Variants in NAALADL2 observed in about 807,000 individuals in gnomAD.
NAALADL2 encodes the protein N-acetylated alpha-linked acidic dipeptidase like 2.
Under a neutral mutation model 87.2 loss-of-function variants are expected in NAALADL2, and 76 were observed. The observed-to-expected ratio is 0.87, with a 90% CI of 0.72 to 1.05. The LOEUF is 1.05. NAALADL2 is among the 50% of genes least tolerant of loss of function. The pLI is 0.00. For synonymous variants in NAALADL2, 354 were observed against 331.0 expected (o/e 1.07, Z -0.75); for missense variants, 1,089 against 945.8 (o/e 1.15, Z -1.99).
chr3:175,048,507 C>A (rs1754958740), intron 1 of NAALADL2, among the ~76,000 whole-genome samples: 2 of 141,676 alleles, frequency 1.4e-5, no homozygotes, highest in South Asian at 2.2e-4. Context: ...CTTCTAAAAC[C>A]ATTTTTTTTT....
At chr3:174,496,380 C>T (rs1364443897) in intron 1 of NAALADL2, among the ~76,000 whole-genome samples, 6 of 151,904 alleles carry the variant, frequency 3.9e-5, no homozygotes, top group African/African-American at 1.4e-4. Context: ...GTGGTCATAA[C>T]TCTAGGGGTT....
intron 1 of NAALADL2, among the ~76,000 whole-genome samples, chr3:174,920,775 A>C (rs1014507720): frequency 4.6e-5 from 7 of 152,192 alleles, no homozygotes; most frequent in African/African-American, 1.7e-4. Context: ...ACTAAGTTTA[A>C]TCATCTGTAG....
intron 11 of NAALADL2, among the ~76,000 whole-genome samples, chr3:175,647,007 A>G (rs950522678): frequency 1.2e-4 from 19 of 152,266 alleles, no homozygotes; most frequent in African/African-American, 2.4e-4. Flanking sequence ...ACTCAGAACT[A>G]TATATCTATA....
intron 1 of NAALADL2, among the ~76,000 whole-genome samples, chr3:174,447,471 C>G: frequency 6.6e-6 from 1 of 152,212 alleles, no homozygotes; most frequent in Non-Finnish European, 1.5e-5. Context: ...GTTAAATATT[C>G]AGAACCACTA....
At chr3:175,635,178 A>G (rs1393366970) in intron 11 of NAALADL2, among the ~76,000 whole-genome samples, 2 of 152,060 alleles carry the variant, frequency 1.3e-5, no homozygotes, top group African/African-American at 4.8e-5. Context: ...ATTATACTGA[A>G]CAAATATAAT....
At chr3:174,738,497 A>C (rs1250553170) in intron 3 of NAALADL2, among the ~76,000 whole-genome samples, 1 of 152,206 alleles carries the variant, frequency 6.6e-6, no homozygotes, top group Non-Finnish European at 1.5e-5. Flanking sequence ...ATGCAGATTT[A>C]GGAAGTGGCT....
At chr3:175,559,828 T>C (rs752743571) in intron 9 of NAALADL2, among the ~76,000 whole-genome samples, 48 of 152,222 alleles carry the variant, frequency 3.2e-4, no homozygotes, top group Non-Finnish European at 6.0e-4. Context: ...GTGTTGAATG[T>C]TATTTGCTAG....
chr3:175,172,352 A>T (rs181914329), intron 2 of NAALADL2, among the ~76,000 whole-genome samples: 1 of 152,248 alleles, frequency 6.6e-6, no homozygotes, highest in Non-Finnish European at 1.5e-5. Context: ...CTATTGAATT[A>T]TCTTCACAGT....
In NAALADL2 at chr3:175,365,736, G is replaced by A. The variant is rs966017036; in HGVS notation, c.1090+41411G>A. Among the ~76,000 whole-genome samples the A allele has an allele frequency of 3.5e-4, 52 of 147,002 alleles. 2 individuals carry two copies. The highest frequency in any genetic ancestry group is 1.2e-3 in the African/African-American group (50 of 40,482). On this transcript the variant is annotated intron_variant, in intron 5 of 13. Transcript: ENST00000454872. ...CTGAGATACATAGGATCCAAGACAT[G>A]CTTAACATTAATTATGAGGCTTTGA...
At chr3:174,799,480 GC>G (rs1718550499) in intron 3 of NAALADL2, among the ~76,000 whole-genome samples, 2 of 152,068 alleles carry the variant, frequency 1.3e-5, no homozygotes, top group Non-Finnish European at 2.9e-5. Context: ...CTCTCTGTTT[GC>G]CTGCTGCCAT....
chr3:174,736,929 A>G (rs1160804733), intron 2 of NAALADL2, among the ~76,000 whole-genome samples: 1 of 152,198 alleles, frequency 6.6e-6, no homozygotes, highest in Non-Finnish European at 1.5e-5. Context: ...CCAAGGCAGC[A>G]GGGTGATTGT....
At chr3:175,743,436 T>C (rs537283658) in intron 12 of NAALADL2, among the ~76,000 whole-genome samples, 1 of 152,320 alleles carries the variant, frequency 6.6e-6, no homozygotes, top group Admixed American at 6.5e-5. Context: ...ATCACAGGCA[T>C]AGAACAGGCA....
chr3:175,637,866 A>C (rs1728763941), intron 11 of NAALADL2, among the ~76,000 whole-genome samples: 1 of 152,184 alleles, frequency 6.6e-6, no homozygotes, highest in Admixed American at 6.5e-5. Flanking sequence ...GTAATAATGG[A>C]TTTTATGGAC....
chr3:174,971,742 G>A (rs1659373470), intron 1 of NAALADL2, among the ~76,000 whole-genome samples: 1 of 151,374 alleles, frequency 6.6e-6, no homozygotes. Flanking sequence ...CTTTTACCCA[G>A]GCTAGAGTGC....
intron 2 of NAALADL2, among the ~76,000 whole-genome samples, chr3:174,696,226 A>G (rs767070908): frequency 1.3e-5 from 2 of 152,092 alleles, no homozygotes; most frequent in African/African-American, 4.8e-5. Flanking sequence ...TTATAAATTA[A>G]TATTATAAAG....
intron 2 of NAALADL2, among the ~76,000 whole-genome samples, chr3:174,677,701 T>C (rs1030315052): frequency 2.0e-5 from 3 of 152,044 alleles, no homozygotes; most frequent in African/African-American, 4.8e-5. Context: ...ATAATGAATA[T>C]TGTTGATTCA....
rs755333003 is a variant in NAALADL2 at position 174,943,572 on chromosome 3, G to A, written c.43+84122G>A. Among the ~76,000 whole-genome samples the A allele has an allele frequency of 9.2e-5, 14 of 152,348 alleles. No individual in the cohort carries two copies. In the South Asian group the frequency reaches 1.2e-3, roughly 14 times the overall value. ...TTCCTTCCCCAACTTTGTGGCAGCA[G>A]ACGAAGGGACCCTAGTAGTAGTTGT... On this transcript the variant is annotated intron_variant, in intron 1 of 13. Transcript: ENST00000454872.
At chr3:175,609,288 G>T (rs1303301865) in intron 10 of NAALADL2, among the ~76,000 whole-genome samples, 1 of 151,994 alleles carries the variant, frequency 6.6e-6, no homozygotes, top group Admixed American at 6.6e-5. Flanking sequence ...AATTTTTAAG[G>T]ATATTAATAT....
chr3:174,776,222 A>G (rs559300977), intron 3 of NAALADL2, among the ~76,000 whole-genome samples: 2 of 152,246 alleles, frequency 1.3e-5, no homozygotes, highest in African/African-American at 2.4e-5. Context: ...CCTCCCTAAC[A>G]TCAACAATAC....
Sources: gnomAD v4.1 joint callset for allele counts (sites outside exome capture counted in the v4.1 genomes callset) on GRCh38, gnomAD v4.1.1 for gene constraint, MANE v1.5 for transcripts, NCBI Gene and HGNC (gene_info 2026-07-23, HGNC 2026-07-21) for gene names.